The following APOL6 variants were observed in gnomAD, a reference collection of about 807,000 sequenced individuals.
APOL6 encodes the protein apolipoprotein L6.
A neutral mutation model predicts 2.4 loss-of-function variants in APOL6; 1 was observed. The ratio of observed to expected loss-of-function variants is 0.41; its 90% CI spans 0.15 to 1.94. The LOEUF is 1.94. APOL6 is among the 30% of genes most tolerant of loss of function. The pLI is 0.30. For missense variants in APOL6, 438 were observed against 429.2 expected (o/e 1.02, Z -0.18); for synonymous variants, 189 against 169.3 (o/e 1.12, Z -0.90).
Position 35,658,958 on chromosome 22 carries a change from C to G in APOL6, c.394C>G (p.Arg132Gly). 6.2e-7 allele frequency: 1 copy of G among 1,613,824 alleles called. No individual in the cohort carries two copies. The highest frequency in any genetic ancestry group is 8.5e-7 in the Non-Finnish European group (1 of 1,180,024). The change falls in exon 3 of 3, where the codon CGC (arginine) becomes GGC (glycine). Residue 132 changes from arginine to glycine, a missense_variant. Coordinates refer to ENST00000409652, the MANE Select transcript of APOL6 (RefSeq NM_030641.4). ...VTSIVSGTLE[R>G]SKNKEAQARA... ...CAGCATCGTGAGTGGTACGTTGGAA[C>G]GCTCCAAAAATAAAGAAGCCCAAGC...
chr22:35,654,600 G>A (rs984704597), intron 1 of APOL6, among the ~76,000 whole-genome samples: 5 of 149,544 alleles, frequency 3.3e-5, no homozygotes, highest in African/African-American at 7.4e-5. Context: ...ATATACACAC[G>A]TATATGTAAT....
In APOL6 at chr22:35,666,723, A is replaced by G. The variant is rs534641332; in HGVS notation, c.*7127A>G. On this transcript the variant is annotated 3_prime_UTR_variant, in exon 3 of 3. Coordinates refer to ENST00000409652, the MANE Select transcript of APOL6 (RefSeq NM_030641.4). ...CTCATGGAGAGCTAAAATGTTCATG[A>G]GTATCAAGCAGAACAGGAATTAACT... 1.3e-5 allele frequency: 2 copies of G among 152,180 alleles called. No individual in the cohort carries two copies. The highest frequency in any genetic ancestry group is 2.9e-5 in the Non-Finnish European group (2 of 68,036). The allele number at this position is 152,180 out of a possible 1,614,324, so 9.4% of individuals were successfully genotyped here.
chr22:35,661,690 G>T lies in APOL6; in HGVS notation c.*2094G>T, dbSNP rs1169187297. ...ATAAAAGATAAGAATTGGCTCTCCT[G>T]TACAGGGCACTTACTACGAATGGAG... is the stretch of plus-strand genomic sequence containing the variant. On this transcript the variant is annotated 3_prime_UTR_variant, in exon 3 of 3. Transcript: ENST00000409652. The T allele has an allele frequency of 2.0e-5, 3 of 152,200 alleles. No individual in the cohort carries two copies. The highest frequency in any genetic ancestry group is 4.4e-5 in the Non-Finnish European group (3 of 68,038). The allele number at this position is 152,200 out of a possible 1,614,324, so 9.4% of individuals were successfully genotyped here. A position where few individuals can be genotyped will look rare whatever the true frequency, so the allele number is the denominator to read the frequency against.
Position 35,662,971 on chromosome 22 carries a change from A to G in APOL6, c.*3375A>G, listed in dbSNP as rs932979439. Reference sequence around the variant, plus strand: ...TTTTTTGGAGTTTTACTTGCTCCCAACAAGGAAGGCAAGTTTTCCTGCTTT... The same window carrying G: ...TTTTTTGGAGTTTTACTTGCTCCCAGCAAGGAAGGCAAGTTTTCCTGCTTT... On this transcript the variant is annotated 3_prime_UTR_variant, in exon 3 of 3. Coordinates refer to ENST00000409652, the MANE Select transcript of APOL6 (RefSeq NM_030641.4). The G allele has an allele frequency of 2.0e-5, 3 of 152,180 alleles. No individual in the cohort carries two copies. Among genetic ancestry groups the G allele is most frequent in the Admixed American group, 2.0e-4 (3 of 15,278 alleles). 9.4% of individuals were successfully genotyped at this position (152,180 alleles called of 1,614,324 possible). A position where few individuals can be genotyped will look rare whatever the true frequency, so the allele number is the denominator to read the frequency against.
In APOL6 at chr22:35,659,346, A is replaced by T. The variant is rs1924951384; in HGVS notation, c.782A>T (p.Glu261Val). 1 of 1,613,940 alleles carries T rather than the reference A, an allele frequency of 6.2e-7. No homozygotes were observed. The highest frequency in any genetic ancestry group is 1.1e-5 in the South Asian group (1 of 91,078). ...TCAAAGGAATGGAAGCACCTGAAGG[A>T]AGGAGCAAGGACAAAGTTTGCGGAA... Reference protein sequence around the residue: ...TLSKEWKHLKEGARTKFAEEL... With the variant: ...TLSKEWKHLKVGARTKFAEEL... The change falls in exon 3 of 3, where the codon GAA becomes GTA. Residue 261 changes from glutamate (E) to valine (V), a missense_variant. Physicochemically the swap from Glu to Val is moderately radical, Grantham distance 121. Coordinates refer to ENST00000409652, the MANE Select transcript of APOL6 (RefSeq NM_030641.4).
rs147202220 is a variant in APOL6, at chr22:35,667,427, G to A, written c.*7831G>A. On this transcript the variant is annotated 3_prime_UTR_variant, in exon 3 of 3. Coordinates refer to ENST00000409652, the MANE Select transcript of APOL6 (RefSeq NM_030641.4). ...CAAGTGTTCTGAAAACATCTTATCTGAATAACAGCAGTCCTGGAGAACATC... is the reference window on the plus strand; with the variant it reads ...CAAGTGTTCTGAAAACATCTTATCTAAATAACAGCAGTCCTGGAGAACATC... The A allele has an allele frequency of 7.9e-5, 12 of 152,296 alleles. No homozygotes were observed. The East Asian group carries it at 2.1e-3, about 27-fold the overall frequency. The allele number at this position is 152,296 out of a possible 1,614,324, so 9.4% of individuals were successfully genotyped here.
In APOL6 at chr22:35,659,753, C is replaced by CTGTT. The variant is rs200355715; in HGVS notation, c.*187_*190dup. 19,482 of 1,177,354 alleles carry CTGTT rather than the reference C, an allele frequency of 0.017. 510 individuals are homozygous for CTGTT. The highest frequency in any genetic ancestry group is 0.1 in the African/African-American group (6,211 of 61,600). 72.9% of individuals were successfully genotyped at this position (1,177,354 alleles called of 1,614,324 possible). A position where few individuals can be genotyped will look rare whatever the true frequency, so the allele number is the denominator to read the frequency against. ...CTATGTGCTGGGAAAAGGGTCTTCC[C>CTGTT]TGTTTGTTTGTTTGTTTGTTTGTTT... On this transcript the variant is annotated 3_prime_UTR_variant, in exon 3 of 3. Transcript: ENST00000409652.
chr22:35,657,031 C>A (rs1448399297), intron 2 of APOL6, among the ~76,000 whole-genome samples: 1 of 152,220 alleles, frequency 6.6e-6, no homozygotes. Context: ...TTCACTGGAG[C>A]AGAGGTGTTC....
In APOL6 at chr22:35,658,833, T is replaced by C. The variant is rs1386479013; in HGVS notation, c.269T>C (p.Val90Ala). The C allele has an allele frequency of 6.2e-7, 1 of 1,613,752 alleles. No individual in the cohort carries two copies. Among genetic ancestry groups the C allele is most frequent in the Admixed American group, 1.7e-5 (1 of 59,994 alleles). ...ACCTCTACTGCTGTCATCTCTGGAG[T>C]GATGAGCCTCCTGGGTTTAGCCCTT... ...VATSTAVISG[V>A]MSLLGLALAP... The change falls in exon 3 of 3, where the codon GTG (valine) becomes GCG (alanine). Residue 90 changes from valine (V) to alanine (A), a missense_variant. Physicochemically the swap from Val to Ala is moderately conservative, Grantham distance 64. Coordinates refer to ENST00000409652, the MANE Select transcript of APOL6 (RefSeq NM_030641.4).
At chr22:35,654,593 T>C (rs976888187) in intron 1 of APOL6, among the ~76,000 whole-genome samples, 1 of 151,618 alleles carries the variant, frequency 6.6e-6, no homozygotes, top group East Asian at 1.9e-4. Flanking sequence ...CACATATATA[T>C]ACACACGTAT....
chr22:35,656,255 C>T (rs1044321502), intron 1 of APOL6, 124 bp from the exon 2 acceptor site: 10 of 717,492 alleles, frequency 1.4e-5, no homozygotes, highest in Admixed American at 4.7e-5. Flanking sequence ...TAATAGTTTG[C>T]AAATATTTAG....
At position 35,656,487 on chromosome 22, in the gene APOL6, G is replaced by C; in HGVS notation, c.50+12G>C. The C allele has an allele frequency of 6.2e-7, 1 of 1,613,982 alleles. No individual in the cohort carries two copies. The highest frequency in any genetic ancestry group is 1.3e-5 in the African/African-American group (1 of 75,018). On this transcript the variant is annotated intron_variant, in intron 2 of 2. Coordinates refer to ENST00000409652, the MANE Select transcript of APOL6 (RefSeq NM_030641.4). ...GTTGGTTTGCAAAGGTAATCCAAAG[G>C]GTGTAGTCCCCAGGGAGAGGGCTGA...
chr22:35,653,378 A>G (rs1220743881), intron 1 of APOL6, among the ~76,000 whole-genome samples: 2 of 152,194 alleles, frequency 1.3e-5, no homozygotes, highest in African/African-American at 2.4e-5. Context: ...TCCTAATTGA[A>G]TGCCCTTTAT....
chr22:35,655,515 T>C (rs1228402369), intron 1 of APOL6, among the ~76,000 whole-genome samples: 2 of 152,188 alleles, frequency 1.3e-5, no homozygotes, highest in African/African-American at 2.4e-5. Context: ...ATAATGTCTG[T>C]GAAATTATTC....
At chr22:35,651,401 T>C (rs1466621049) in intron 1 of APOL6, among the ~76,000 whole-genome samples, 2 of 152,184 alleles carry the variant, frequency 1.3e-5, no homozygotes, top group African/African-American at 2.4e-5. Context: ...CCTCTTCTTA[T>C]AATGACATCA....
Position 35,659,832 on chromosome 22 carries a change from C to G in APOL6, c.*236C>G. 1 of 592,824 alleles carries G rather than the reference C, an allele frequency of 1.7e-6. No individual in the cohort carries two copies. The highest frequency in any genetic ancestry group is 2.8e-6 in the Non-Finnish European group (1 of 360,080). 36.7% of individuals were successfully genotyped at this position (592,824 alleles called of 1,614,324 possible). On this transcript the variant is annotated 3_prime_UTR_variant, in exon 3 of 3. Transcript: ENST00000409652. ...CCAGGCTGGAGTGCAGTGGCGTAAT[C>G]TCGGCTCACTGCAACCTCTGCCTCC...
rs1321893678 is a variant in APOL6 at position 35,665,152 on chromosome 22, T to C, written c.*5556T>C. The C allele has an allele frequency of 6.6e-6, 1 of 151,904 alleles. No homozygotes were observed. Among genetic ancestry groups the C allele is most frequent in the East Asian group, 1.9e-4 (1 of 5,194 alleles). The allele number at this position is 151,904 out of a possible 1,614,324, so 9.4% of individuals were successfully genotyped here. A position where few individuals can be genotyped will look rare whatever the true frequency, so the allele number is the denominator to read the frequency against. ...CCCCAAAAGCTTTTATATAATCAAG[T>C]TGTCATATTATTATTAAGTTTTGGT... On this transcript the variant is annotated 3_prime_UTR_variant, in exon 3 of 3. Transcript: ENST00000409652.
At position 35,658,869 on chromosome 22, in the gene APOL6, C is replaced by G. The variant is rs778035401; in HGVS notation, c.305C>G (p.Thr102Arg). 6.2e-7 allele frequency: 1 copy of G among 1,614,154 alleles called. No individual in the cohort carries two copies. The change falls in exon 3 of 3, where the codon ACA becomes AGA. Residue 102 changes from threonine to arginine, a missense_variant. Transcript: ENST00000409652. ...SLLGLALAPA[T>R]GGGSLLLSTA... ...CTGGGTTTAGCCCTTGCCCCAGCAA[C>G]AGGAGGAGGAAGCCTGCTGCTCTCC...
In APOL6 at chr22:35,659,046, C is replaced by T. The variant is rs1336389646; in HGVS notation, c.482C>T (p.Ala161Val). The T allele has an allele frequency of 2.5e-6, 4 of 1,613,864 alleles. No individual in the cohort carries two copies. In the Admixed American group the frequency reaches 6.7e-5, roughly 27 times the overall value. ...GACAGGGAGGATGAGGAAGAGAAGGCAGACTATGTCACAGCTGCTGGAAAG... is the reference window on the plus strand; with the variant it reads ...GACAGGGAGGATGAGGAAGAGAAGGTAGACTATGTCACAGCTGCTGGAAAG... ...QEDREDEEEK[A>V]DYVTAAGKII... The change falls in exon 3 of 3, where the codon GCA becomes GTA. Residue 161 changes from alanine (A) to valine (V), a missense_variant. By Grantham distance (64) the Ala-to-Val change is moderately conservative. Transcript: ENST00000409652.
Sources: gnomAD v4.1 joint callset for allele counts (sites outside exome capture counted in the v4.1 genomes callset) on GRCh38, gnomAD v4.1.1 for gene constraint, MANE v1.5 for transcripts, NCBI Gene and HGNC (gene_info 2026-07-23, HGNC 2026-07-21) for gene names.